The following PLXNA4 variants were observed in gnomAD, a reference collection of about 807,000 sequenced individuals.
PLXNA4 encodes plexin-A4.
A neutral mutation model predicts 191.8 loss-of-function variants in PLXNA4; 44 were observed. That is an observed-to-expected ratio of 0.23 (90% CI 0.18 to 0.29). PLXNA4 has a LOEUF of 0.29. Ranked by LOEUF, PLXNA4 falls within the 10% of genes least tolerant of loss-of-function variation. The probability of loss-of-function intolerance (pLI) is 1.00; values close to 1 mark genes in which losing one functional copy is unlikely to be tolerated. For missense variants in PLXNA4, 1,800 were observed against 2,488.8 expected, an observed-to-expected ratio of 0.72 and a Z score of 5.89; for synonymous variants, 1,082 against 1,009.5, an observed-to-expected ratio of 1.07 and a Z score of -1.36.
chr7:132,175,591 C>T (rs757516651), intron 20 of PLXNA4, among the ~76,000 whole-genome samples: 38 of 152,184 alleles, frequency 2.5e-4, no homozygotes, highest in Non-Finnish European at 5.0e-4. Flanking sequence ...CTGTGTGTGG[C>T]GGCAGCTCAG....
chr7:132,201,815 G>C (rs547076109), intron 12 of PLXNA4, among the ~76,000 whole-genome samples: 1 of 152,328 alleles, frequency 6.6e-6, no homozygotes, highest in African/African-American at 2.4e-5. Flanking sequence ...TCCAGGGGCA[G>C]TGATTTCCTT....
chr7:132,385,262 G>A lies in PLXNA4; in HGVS notation c.1372-87040C>T, dbSNP rs747861901. Reference sequence around the variant, plus strand: ...CTGTGGGATCGGGGTCCCGTCTGTAGCTCAAGGGTAGGGCAGAGGCTGGTA... The same window carrying A: ...CTGTGGGATCGGGGTCCCGTCTGTAACTCAAGGGTAGGGCAGAGGCTGGTA... On this transcript the variant is annotated intron_variant, in intron 3 of 31. Coordinates refer to ENST00000321063, the MANE Select transcript of PLXNA4 (RefSeq NM_020911.2). 4 of 1,614,030 alleles carry A rather than the reference G, an allele frequency of 2.5e-6. 1 individual carries two copies. Among genetic ancestry groups the A allele is most frequent in the Non-Finnish European group, 2.5e-6 (3 of 1,179,964 alleles).
chr7:132,144,309 G>T (rs776073724), intron 29 of PLXNA4, among the ~76,000 whole-genome samples: 1 of 152,144 alleles, frequency 6.6e-6, no homozygotes, highest in Admixed American at 6.5e-5. Flanking sequence ...GCAAGCTTCC[G>T]TACTAAGTGC....
intron 1 of PLXNA4, among the ~76,000 whole-genome samples, chr7:132,526,216 T>C (rs114284138): frequency 0.015 from 2,355 of 152,228 alleles, 70 homozygotes; most frequent in African/African-American, 0.054. Context: ...TGGTATAGAC[T>C]GCACTCCTTG....
At chr7:132,446,973 A>T (rs1795934294) in intron 3 of PLXNA4, among the ~76,000 whole-genome samples, 1 of 151,982 alleles carries the variant, frequency 6.6e-6, no homozygotes, top group Admixed American at 6.6e-5. Context: ...CATAATGCGC[A>T]TTTTCATTAG....
rs921575254 is a variant in PLXNA4 at position 132,128,378 on chromosome 7, A to G, written c.*2101T>C. 4 of 152,182 alleles carry G rather than the reference A, an allele frequency of 2.6e-5. No homozygotes were observed. Among genetic ancestry groups the G allele is most frequent in the Admixed American group, 6.5e-5 (1 of 15,274 alleles). The allele number at this position is 152,182 out of a possible 1,614,324, so 9.4% of individuals were successfully genotyped here. A position where few individuals can be genotyped will look rare whatever the true frequency, so the allele number is the denominator to read the frequency against. On this transcript the variant is annotated 3_prime_UTR_variant, in exon 32 of 32. Coordinates refer to ENST00000321063, the MANE Select transcript of PLXNA4 (RefSeq NM_020911.2). ...CACCATCTGTCCTCTGCGATGTCAC[A>G]TGATGCCCTGTTCCAAGGTCCAGGC...
chr7:132,345,089 C>T (rs1585016762), intron 3 of PLXNA4, among the ~76,000 whole-genome samples: 1 of 152,132 alleles, frequency 6.6e-6, no homozygotes, highest in African/African-American at 2.4e-5. Context: ...ATCTTTAGTT[C>T]TTTGGGGGAT....
intron 10 of PLXNA4, among the ~76,000 whole-genome samples, chr7:132,206,859 AT>A (rs1318448744): frequency 3.9e-5 from 6 of 152,062 alleles, no homozygotes; most frequent in African/African-American, 1.4e-4. Context: ...CAGGCAGTTA[AT>A]CTGCACAAAG....
chr7:132,139,092 G>A (rs541015168), intron 30 of PLXNA4, among the ~76,000 whole-genome samples: 4 of 152,234 alleles, frequency 2.6e-5, no homozygotes, highest in Non-Finnish European at 1.5e-5. Context: ...AGCAGGAGGT[G>A]AGAGCCTGTC....
intron 1 of PLXNA4, among the ~76,000 whole-genome samples, chr7:132,574,558 T>C (rs1489876864): frequency 1.3e-5 from 2 of 152,228 alleles, no homozygotes; most frequent in African/African-American, 4.8e-5. Context: ...TGTATATATA[T>C]TGGGTGTGTG....
rs374767499 is a variant in PLXNA4, at chr7:132,489,415, G to A, written c.1248C>T (p.Ser416=). 37 of 1,603,586 alleles carry A rather than the reference G, an allele frequency of 2.3e-5. No individual in the cohort carries two copies. The highest frequency in any genetic ancestry group is 1.9e-4 in the African/African-American group (14 of 74,876). ...GLDMNAPLGV[S]DMVRGIPVFT... is the part of the protein sequence containing the mutation. ...AGACGGGAATTCCACGCACCATGTC[G>A]GACACTCCCAGGGGAGCATTCATGT... The change falls in exon 3 of 32, where the codon TCC becomes TCT. Residue 416 remains serine, a synonymous_variant. Transcript: ENST00000321063.
Position 132,129,848 on chromosome 7 carries a change from G to C in PLXNA4, c.*631C>G, listed in dbSNP as rs1458030751. On this transcript the variant is annotated 3_prime_UTR_variant, in exon 32 of 32. Coordinates refer to ENST00000321063, the MANE Select transcript of PLXNA4 (RefSeq NM_020911.2). ...AGCCTCTGGACACCAGCCCAGTGGG[G>C]GAGAAGGAGCCTCAAGGAGCACCTC... is the stretch of plus-strand genomic sequence containing the variant. 6.5e-6 allele frequency: 1 copy of C among 153,150 alleles called. No homozygotes were observed. The highest frequency in any genetic ancestry group is 1.9e-4 in the East Asian group (1 of 5,202). The allele number at this position is 153,150 out of a possible 1,614,324, so 9.5% of individuals were successfully genotyped here. A position where few individuals can be genotyped will look rare whatever the true frequency, so the allele number is the denominator to read the frequency against.
chr7:132,456,697 TGGAGG>T (rs1261165621), intron 3 of PLXNA4, among the ~76,000 whole-genome samples: 1 of 123,640 alleles, frequency 8.1e-6, no homozygotes, highest in Admixed American at 8.8e-5. Flanking sequence ...AAGAGGGCAG[TGGAGG>T]GGAGGGGAGG....
intron 4 of PLXNA4, among the ~76,000 whole-genome samples, chr7:132,258,937 T>G (rs1384902892): frequency 2.0e-5 from 3 of 152,220 alleles, no homozygotes. Flanking sequence ...TTAAATATAA[T>G]CAGACATGAC....
chr7:132,390,932 G>A (rs952399657), intron 3 of PLXNA4, among the ~76,000 whole-genome samples: 16 of 152,216 alleles, frequency 1.1e-4, no homozygotes, highest in African/African-American at 3.9e-4. Flanking sequence ...TGACTCAAAA[G>A]CCGGTAAGCA....
intron 15 of PLXNA4, among the ~76,000 whole-genome samples, chr7:132,186,435 T>A (rs758676604): frequency 3.3e-5 from 5 of 151,900 alleles, no homozygotes; most frequent in African/African-American, 1.2e-4. Flanking sequence ...TTCTGCAGAG[T>A]GGGTGCTATG....
chr7:132,140,582 C>T lies in PLXNA4; in HGVS notation c.5438+17G>A, dbSNP rs376308495. 2.7e-5 allele frequency: 43 copies of T among 1,611,056 alleles called. No individual in the cohort carries two copies. Among genetic ancestry groups the T allele is most frequent in the South Asian group, 7.7e-5 (7 of 90,948 alleles). ...CCAGCAAGGGGCCCTGACTTGGCTC[C>T]GTGGCCCAGCACTCACCTCTCCACC... On this transcript the variant is annotated intron_variant, in intron 30 of 31. Coordinates refer to ENST00000321063, the MANE Select transcript of PLXNA4 (RefSeq NM_020911.2).
At chr7:132,224,017 C>T (rs1798231709) in intron 8 of PLXNA4, among the ~76,000 whole-genome samples, 1 of 152,140 alleles carries the variant, frequency 6.6e-6, no homozygotes, top group Non-Finnish European at 1.5e-5. Flanking sequence ...TGCAAATTGA[C>T]TCCGGGTCTC....
At position 132,318,348 on chromosome 7, in the gene PLXNA4, C is replaced by A. The variant is rs186605393; in HGVS notation, c.1372-20126G>T. Among the ~76,000 whole-genome samples the A allele has an allele frequency of 2.6e-5, 4 of 152,334 alleles. No individual in the cohort carries two copies. The East Asian group carries it at 7.7e-4, about 29-fold the overall frequency. ...TGAGGCAGAAAAGAGCGCAATACTG[C>A]CCAGAACCCAGAGTGTCGAGGAAAG... On this transcript the variant is annotated intron_variant, in intron 3 of 31. Transcript: ENST00000321063.
Sources: allele counts gnomAD v4.1 joint callset (sites outside exome capture counted in the v4.1 genomes callset), GRCh38; gene constraint gnomAD v4.1.1; transcripts MANE v1.5; gene names NCBI Gene and HGNC (gene_info 2026-07-23, HGNC 2026-07-21).